The following PRR5 variants were observed in gnomAD, a reference collection of about 807,000 sequenced individuals.
PRR5 encodes the protein proline rich 5.
A neutral mutation model predicts 30.6 loss-of-function variants in PRR5; 25 were observed. That is an observed-to-expected ratio of 0.82 (90% CI 0.60 to 1.14). The LOEUF is 1.14. PRR5 is among the 50% of genes most tolerant of loss of function. The pLI is 0.00. For missense variants in PRR5, 600 were observed against 547.1 expected (o/e 1.10, Z -0.96); for synonymous variants, 286 against 247.1 (o/e 1.16, Z -1.48).
intron 1 of PRR5, among the ~76,000 whole-genome samples, chr22:44,690,750 G>A (rs1445813283): frequency 1.3e-5 from 2 of 152,166 alleles, no homozygotes; most frequent in African/African-American, 2.4e-5. Context: ...TAACCCAGCC[G>A]GAGGATGAGG....
intron 1 of PRR5, among the ~76,000 whole-genome samples, chr22:44,703,274 A>G (rs567250354): frequency 4.4e-4 from 67 of 152,262 alleles, no homozygotes; most frequent in Non-Finnish European, 2.9e-5. Context: ...CTCCCTAGGA[A>G]AATGAGAGGC....
intron 1 of PRR5, among the ~76,000 whole-genome samples, chr22:44,694,123 C>T (rs968984767): frequency 4.6e-5 from 7 of 152,200 alleles, no homozygotes; most frequent in South Asian, 4.1e-4. Flanking sequence ...TACCCAAGGA[C>T]GGCCAAGAAG....
intron 6 of PRR5, among the ~76,000 whole-genome samples, chr22:44,732,696 T>TACA (rs1922253538): frequency 6.6e-6 from 1 of 150,940 alleles, no homozygotes; most frequent in Non-Finnish European, 1.5e-5. Context: ...ACACACATAC[T>TACA]TGTGCACACG....
chr22:44,679,279 TG>T (rs1924049443), intron 1 of PRR5: 1 of 152,470 alleles, frequency 6.6e-6, no homozygotes, highest in Non-Finnish European at 1.5e-5. Flanking sequence ...TGTACCGAGA[TG>T]GGGAGCAGTA....
intron 6 of PRR5, among the ~76,000 whole-genome samples, chr22:44,733,001 C>T (rs532540622): frequency 1.7e-4 from 22 of 130,684 alleles, no homozygotes; most frequent in Non-Finnish European, 3.5e-4. Context: ...TGCGCGCACA[C>T]ATACTACACA....
At chr22:44,692,672 T>C (rs1925386021) in intron 1 of PRR5, among the ~76,000 whole-genome samples, 2 of 152,148 alleles carry the variant, frequency 1.3e-5, no homozygotes, top group South Asian at 4.1e-4. Flanking sequence ...CCATCCAAGA[T>C]TCTTCTAAGA....
chr22:44,730,567 A>G (rs1161572814), intron 4 of PRR5: 1 of 988,978 alleles, frequency 1.0e-6, no homozygotes, highest in Non-Finnish European at 1.2e-6. Context: ...CAGAAATCCT[A>G]CAGAGCTGGT....
chr22:44,721,086 C>A (rs747713775), intron 2 of PRR5, among the ~76,000 whole-genome samples: 2 of 152,176 alleles, frequency 1.3e-5, no homozygotes, highest in Non-Finnish European at 2.9e-5. Flanking sequence ...GCTCCTGATC[C>A]CAGTTGACCC....
intron 1 of PRR5, among the ~76,000 whole-genome samples, chr22:44,710,407 C>T (rs1252146179): frequency 1.3e-5 from 2 of 152,124 alleles, no homozygotes; most frequent in Non-Finnish European, 2.9e-5. Context: ...GCTGGGGGGG[C>T]TTCCTAGAGG....
At chr22:44,713,101 C>T (rs1928507650) in intron 1 of PRR5, among the ~76,000 whole-genome samples, 1 of 152,102 alleles carries the variant, frequency 6.6e-6, no homozygotes, top group Non-Finnish European at 1.5e-5. Flanking sequence ...CTCAGGATGC[C>T]CGGGAGTGTG....
intron 3 of PRR5, 148 bp downstream of exon 3, chr22:44,725,440 C>A (rs1920927776): frequency 1.9e-6 from 2 of 1,049,240 alleles, no homozygotes; most frequent in African/African-American, 1.6e-5. Flanking sequence ...CTTATCTAGC[C>A]ACGTGGAATG....
intron 1 of PRR5, among the ~76,000 whole-genome samples, chr22:44,687,193 G>A (rs1924822308): frequency 6.6e-6 from 1 of 152,242 alleles, no homozygotes; most frequent in Admixed American, 6.5e-5. Context: ...TGGGGTATGT[G>A]TGATATTTTG....
chr22:44,714,982 C>G (rs1398530481), intron 2 of PRR5, among the ~76,000 whole-genome samples: 1 of 152,216 alleles, frequency 6.6e-6, no homozygotes, highest in Non-Finnish European at 1.5e-5. Flanking sequence ...CTGGAGATGA[C>G]GCTGACGGCC....
intron 2 of PRR5, among the ~76,000 whole-genome samples, chr22:44,718,091 G>A (rs991505403): frequency 3.9e-5 from 6 of 152,060 alleles, no homozygotes; most frequent in South Asian, 2.1e-4. Flanking sequence ...CATCCACCTC[G>A]GCTGATGGAC....
chr22:44,736,794 C>A lies in PRR5; in HGVS notation c.714C>A (p.Ser238=), dbSNP rs745572575. Residue 238 remains serine (S), a synonymous_variant, in exon 8 of 8, where the codon TCC becomes TCA. Transcript: ENST00000336985. The stretch of plus-strand genomic sequence containing the variant: ...CAGAAAAGCGCCTCCTCCGCCGCTC[C>A]CGCTCGGGGGACGTGCTGGCCAAGA... ...CILEKRLLRR[S]RSGDVLAKNP... The A allele has an allele frequency of 1.3e-6, 2 of 1,560,674 alleles. No individual in the cohort carries two copies. Among genetic ancestry groups the A allele is most frequent in the Non-Finnish European group, 1.7e-6 (2 of 1,147,848 alleles).
chr22:44,688,116 G>T (rs909498414), intron 1 of PRR5, among the ~76,000 whole-genome samples: 3 of 150,832 alleles, frequency 2.0e-5, no homozygotes, highest in Non-Finnish European at 1.5e-5. Flanking sequence ...GGGTGCAGTG[G>T]CTCACACCTG....
At chr22:44,687,025 T>C (rs1446819569) in intron 1 of PRR5, among the ~76,000 whole-genome samples, 3 of 152,254 alleles carry the variant, frequency 2.0e-5, no homozygotes, top group Non-Finnish European at 4.4e-5. Flanking sequence ...TGGTGTTTGC[T>C]TGTCCCTCCC....
At chr22:44,717,739 G>A (rs1199096340) in intron 2 of PRR5, among the ~76,000 whole-genome samples, 4 of 148,112 alleles carry the variant, frequency 2.7e-5, no homozygotes, top group Admixed American at 6.7e-5. Context: ...TTTTTGAGAC[G>A]GAGTTTCACT....
At chr22:44,672,835 A>C (rs767540327), upstream of PRR5, among the ~76,000 whole-genome samples, 2 of 152,230 alleles carry the variant, frequency 1.3e-5, no homozygotes, top group Non-Finnish European at 2.9e-5. Context: ...ACAGATGGGC[A>C]AACTGAGGCT....
Sources: gnomAD v4.1 joint callset for allele counts (sites outside exome capture counted in the v4.1 genomes callset) on GRCh38, gnomAD v4.1.1 for gene constraint, MANE v1.5 for transcripts, NCBI Gene and HGNC (gene_info 2026-07-23, HGNC 2026-07-21) for gene names.